Variants in CALHM4 observed in about 807,000 individuals in gnomAD.
CALHM4 encodes calcium homeostasis modulator family member 4, also known as calcium homeostasis modulator protein 4.
A neutral mutation model predicts 13.3 loss-of-function variants in CALHM4; 16 were observed. That is an observed-to-expected ratio of 1.20 (90% confidence interval 0.81 to 1.82). CALHM4 has a LOEUF of 1.82. Among genes scored for constraint, CALHM4 ranks in the 40% most tolerant of loss-of-function variants. The pLI is 0.00. For missense variants in CALHM4, 344 were observed against 374.9 expected, an observed-to-expected ratio of 0.92 and a Z score of 0.68; for synonymous variants, 127 against 137.1, an observed-to-expected ratio of 0.93 and a Z score of 0.52.
chr6:116,536,096 A>C (rs1547028), intron 1 of CALHM4, among the ~76,000 whole-genome samples: 1 of 152,006 alleles, frequency 6.6e-6, no homozygotes, highest in Non-Finnish European at 1.5e-5. Context: ...TTCAAAATAA[A>C]TTAGTATGTC....
upstream of CALHM4, among the ~76,000 whole-genome samples, chr6:116,549,952 G>A (rs1472579922): frequency 1.5e-5 from 2 of 137,760 alleles, no homozygotes; most frequent in Admixed American, 7.6e-5. Context: ...CTCCAGACTG[G>A]ACGACAAGAG....
At chr6:116,557,219 G>C (rs1029859502) in intron 1 of CALHM4, among the ~76,000 whole-genome samples, 12 of 152,062 alleles carry the variant, frequency 7.9e-5, no homozygotes, top group African/African-American at 2.9e-4. Flanking sequence ...TTACAAGTAT[G>C]AGCCACCACA....
chr6:116,533,990 T>C (rs1184060147), intron 1 of CALHM4, among the ~76,000 whole-genome samples: 1 of 152,156 alleles, frequency 6.6e-6, no homozygotes, highest in African/African-American at 2.4e-5. Context: ...CCACTATCCA[T>C]AGTCTGTAAT....
In CALHM4 at chr6:116,543,608, G is replaced by T. The variant is rs1012913333; in HGVS notation, c.-108-157G>T. 1.1e-4 allele frequency among the ~76,000 whole-genome samples: 17 copies of T among 152,068 alleles called. 1 individual carries two copies. The highest frequency in any genetic ancestry group is 1.5e-5 in the Non-Finnish European group (1 of 67,954). ...GATGTGAGGTGGGGGAGAGAGAGCT[G>T]TTAAATAAAATGAATTTCGTAACAT... On this transcript the variant is annotated intron_variant, in intron 1 of 2. Transcript: ENST00000368597.
intron 1 of CALHM4, among the ~76,000 whole-genome samples, chr6:116,557,468 T>C (rs924510543): frequency 6.6e-6 from 1 of 152,152 alleles, no homozygotes; most frequent in South Asian, 2.1e-4. Context: ...CTATAACTGA[T>C]AGTTGAGAAG....
At position 116,557,837 on chromosome 6, in the gene CALHM4, A is replaced by AT; in HGVS notation, c.575dup (p.Leu192PhefsTer37). 6.2e-7 allele frequency: 1 copy of AT among 1,611,292 alleles called. No individual in the cohort carries two copies. The highest frequency in any genetic ancestry group is 8.5e-7 in the Non-Finnish European group (1 of 1,178,000). The stretch of plus-strand genomic sequence containing the variant: ...TAATGATGTGAAGATGCTGGGTTGG[A>AT]TTTTGATCACCTTGGCAACCATTGC... On this transcript the variant is annotated frameshift_variant, in exon 2 of 2. Transcript: ENST00000368596. LOFTEE classifies it low-confidence loss of function (END_TRUNC).
rs1264389954 is a variant in CALHM4 at position 116,559,027 on chromosome 6, C to T, written c.*816C>T. Among the ~76,000 whole-genome samples, 1 of 152,150 alleles carries T rather than the reference C, an allele frequency of 6.6e-6. No individual in the cohort carries two copies. The highest frequency in any genetic ancestry group is 1.5e-5 in the Non-Finnish European group (1 of 68,030). On this transcript the variant is annotated 3_prime_UTR_variant, in exon 2 of 2. Coordinates refer to ENST00000368596, the MANE Select transcript of CALHM4 (RefSeq NM_001366078.2). ...TGTACCTTTTCATTACCAAATTGCA[C>T]CTTTGCACTCAAAATCCATTTGTGA...
chr6:116,549,051 G>A (rs1318055471), upstream of CALHM4, among the ~76,000 whole-genome samples: 3 of 152,200 alleles, frequency 2.0e-5, no homozygotes, highest in Admixed American at 6.5e-5. Flanking sequence ...TTGGGAGACC[G>A]AGGTCGGTGG....
At chr6:116,541,925 T>C (rs1773488056) in intron 1 of CALHM4, among the ~76,000 whole-genome samples, 1 of 152,174 alleles carries the variant, frequency 6.6e-6, no homozygotes, top group Non-Finnish European at 1.5e-5. Flanking sequence ...GAAATCTAAA[T>C]GTGAATTTTT....
At chr6:116,554,703 T>A (rs1774231834) in intron 1 of CALHM4, among the ~76,000 whole-genome samples, 1 of 152,214 alleles carries the variant, frequency 6.6e-6, no homozygotes, top group Admixed American at 6.5e-5. Flanking sequence ...ACAATAGATT[T>A]TAGATGTTAT....
At chr6:116,543,022 T>A (rs1488617040) in intron 1 of CALHM4, among the ~76,000 whole-genome samples, 1 of 152,186 alleles carries the variant, frequency 6.6e-6, no homozygotes. Flanking sequence ...TTTTACCACA[T>A]CTTTTGCTTA....
intron 1 of CALHM4, among the ~76,000 whole-genome samples, chr6:116,554,839 C>G (rs1350900104): frequency 2.6e-5 from 4 of 151,932 alleles, no homozygotes; most frequent in Non-Finnish European, 4.4e-5. Flanking sequence ...AAAATAACTC[C>G]AGTTATGATT....
In CALHM4 at chr6:116,557,991, T is replaced by A; in HGVS notation, c.725T>A (p.Leu242His). ...FEQAAEQHSR[L>H]LMMHRIKKLF... ...CAAGCAGCAGAGCAGCACTCTCGGC[T>A]CCTCATGATGCATCGCATAAAGAAG... Residue 242 changes from leucine to histidine, a missense_variant, in exon 2 of 2, where the codon CTC becomes CAC. By Grantham distance (99) the Leu-to-His change is moderately conservative. Coordinates refer to ENST00000368596, the MANE Select transcript of CALHM4 (RefSeq NM_001366078.2). 6.2e-7 allele frequency: 1 copy of A among 1,614,118 alleles called. No homozygotes were observed. Among genetic ancestry groups the A allele is most frequent in the Non-Finnish European group, 8.5e-7 (1 of 1,180,012 alleles).
intron 1 of CALHM4, chr6:116,540,486 G>T (rs1048503008): frequency 1.3e-6 from 2 of 1,545,148 alleles, no homozygotes; most frequent in East Asian, 2.4e-5. Context: ...AAAGAGTGTG[G>T]TCTGAAAATT....
At chr6:116,546,847 GA>G (rs534196494) in intron 2 of CALHM4, among the ~76,000 whole-genome samples, 2 of 152,064 alleles carry the variant, frequency 1.3e-5, no homozygotes, top group African/African-American at 2.4e-5. Flanking sequence ...ATGATCTCAG[GA>G]AAATTAATTT....
At chr6:116,541,794 A>C (rs1014829176) in intron 1 of CALHM4, among the ~76,000 whole-genome samples, 2 of 151,926 alleles carry the variant, frequency 1.3e-5, no homozygotes, top group African/African-American at 4.8e-5. Context: ...AGTGGTCAGA[A>C]GCCAAAACGT....
upstream of CALHM4, among the ~76,000 whole-genome samples, chr6:116,553,022 C>T (rs1003419002): frequency 5.3e-5 from 8 of 152,208 alleles, no homozygotes; most frequent in Admixed American, 1.3e-4. Flanking sequence ...TGCAGTGAGC[C>T]GAGATCGCGC....
Position 116,558,060 on chromosome 6 carries a change from G to T in CALHM4, c.794G>T (p.Arg265Leu), listed in dbSNP as rs202028712. 7 of 1,614,104 alleles carry T rather than the reference G, an allele frequency of 4.3e-6. No homozygotes were observed. Among genetic ancestry groups the T allele is most frequent in the Non-Finnish European group, 5.9e-6 (7 of 1,180,004 alleles). The change falls in exon 2 of 2, where the codon CGC becomes CTC. Residue 265 changes from arginine to leucine, a missense_variant. Coordinates refer to ENST00000368596, the MANE Select transcript of CALHM4 (RefSeq NM_001366078.2). ...GGGAGTGAAGACGTCAAACACATCC[G>T]CATTCCTTCTTGTCAGGACTGGAAA... ...IPGSEDVKHI[R>L]IPSCQDWKDI...
At chr6:116,541,439 C>T (rs1262311375) in intron 1 of CALHM4, among the ~76,000 whole-genome samples, 1 of 152,148 alleles carries the variant, frequency 6.6e-6, no homozygotes. Context: ...CCCAACAAGA[C>T]ACCACAGTGT....
Sources: allele counts gnomAD v4.1 joint callset (sites outside exome capture counted in the v4.1 genomes callset), GRCh38; gene constraint gnomAD v4.1.1; transcripts MANE v1.5; gene names NCBI Gene and HGNC (gene_info 2026-07-23, HGNC 2026-07-21).